The following NKAIN2 variants were observed in gnomAD, a reference collection of about 807,000 sequenced individuals.
The protein encoded by NKAIN2 is sodium/potassium-transporting ATPase subunit beta-1-interacting protein 2.
In NKAIN2, 14 loss-of-function variants were observed where a neutral mutation model predicts 32.6. The ratio of observed to expected loss-of-function variants is 0.43; its 90% CI spans 0.28 to 0.67. NKAIN2 has a LOEUF of 0.67. Ranked by LOEUF, NKAIN2 falls within the 30% of genes least tolerant of loss-of-function variation. The pLI is 0.17. For missense variants in NKAIN2, 198 were observed against 258.3 expected (o/e 0.77, Z 1.60); for synonymous variants, 80 against 87.2 (o/e 0.92, Z 0.46).
At chr6:124,055,941 T>G (rs947207647) in intron 1 of NKAIN2, among the ~76,000 whole-genome samples, 1 of 152,056 alleles carries the variant, frequency 6.6e-6, no homozygotes, top group Admixed American at 6.6e-5. Flanking sequence ...CATTTGGTAT[T>G]AATTTGTTTT....
intron 3 of NKAIN2, among the ~76,000 whole-genome samples, chr6:124,545,798 G>A (rs546283584): frequency 1.3e-5 from 2 of 152,004 alleles, no homozygotes; most frequent in South Asian, 2.1e-4. Context: ...GGTAAAATTG[G>A]CTTTCACTTA....
chr6:123,938,868 G>T (rs960501741), intron 1 of NKAIN2, among the ~76,000 whole-genome samples: 1 of 151,566 alleles, frequency 6.6e-6, no homozygotes, highest in Non-Finnish European at 1.5e-5. Flanking sequence ...CCATATGGTG[G>T]GTTAGTTCTT....
intron 3 of NKAIN2, among the ~76,000 whole-genome samples, chr6:124,492,560 A>G (rs1233888072): frequency 1.1e-4 from 17 of 152,062 alleles, no homozygotes; most frequent in African/African-American, 2.4e-5. Flanking sequence ...GACTAAAGTC[A>G]GATTTCTCAG....
intron 1 of NKAIN2, among the ~76,000 whole-genome samples, chr6:123,948,789 G>A (rs1489708591): frequency 2.0e-5 from 3 of 151,328 alleles, no homozygotes; most frequent in Non-Finnish European, 4.4e-5. Flanking sequence ...GACTATTTTT[G>A]CTTCTGTTGC....
intron 1 of NKAIN2, among the ~76,000 whole-genome samples, chr6:124,239,173 T>C (rs1792940786): frequency 6.6e-6 from 1 of 152,112 alleles, no homozygotes; most frequent in Non-Finnish European, 1.5e-5. Flanking sequence ...TACATAATGA[T>C]AAAGTATCAA....
chr6:124,246,654 C>A (rs1022939919), intron 1 of NKAIN2, among the ~76,000 whole-genome samples: 1 of 152,036 alleles, frequency 6.6e-6, no homozygotes, highest in African/African-American at 2.4e-5. Flanking sequence ...AGAAGGCAGA[C>A]TTTACAGCCT....
At chr6:123,979,867 T>G (rs2114661793) in intron 1 of NKAIN2, among the ~76,000 whole-genome samples, 1 of 148,942 alleles carries the variant, frequency 6.7e-6, no homozygotes, top group African/African-American at 2.6e-5. Flanking sequence ...AGCTCTTGTT[T>G]GTGTCTACCT....
At chr6:124,620,894 T>A (rs672848) in intron 3 of NKAIN2, among the ~76,000 whole-genome samples, 23,373 of 152,148 alleles carry the variant, frequency 0.15, 1,880 homozygotes, top group Middle Eastern at 0.22. Flanking sequence ...TTAGAAACTG[T>A]CTCCACAGAA....
At chr6:124,042,536 G>GA (rs967047630) in intron 1 of NKAIN2, among the ~76,000 whole-genome samples, 1 of 151,916 alleles carries the variant, frequency 6.6e-6, no homozygotes, top group Non-Finnish European at 1.5e-5. Flanking sequence ...ACTCGTGGGG[G>GA]AAAAAACCCA....
chr6:124,350,183 C>T (rs12195743), intron 2 of NKAIN2, among the ~76,000 whole-genome samples: 26,319 of 152,134 alleles, frequency 0.17, 2,454 homozygotes, highest in Admixed American at 0.27. Context: ...ACTCAAACTG[C>T]ATCATTGTCA....
intron 4 of NKAIN2, among the ~76,000 whole-genome samples, chr6:124,665,616 T>A (rs552884742): frequency 6.6e-6 from 1 of 152,318 alleles, no homozygotes; most frequent in Non-Finnish European, 1.5e-5. Flanking sequence ...GACTACATGG[T>A]ACACTTTTCA....
intron 1 of NKAIN2, among the ~76,000 whole-genome samples, chr6:124,031,649 G>T (rs1484507571): frequency 6.6e-6 from 1 of 152,056 alleles, no homozygotes; most frequent in Non-Finnish European, 1.5e-5. Flanking sequence ...CTTTATTCCT[G>T]CCTTCATTTT....
intron 3 of NKAIN2, among the ~76,000 whole-genome samples, chr6:124,514,522 A>G (rs762623062): frequency 3.8e-4 from 58 of 152,296 alleles, no homozygotes; most frequent in Non-Finnish European, 4.4e-4. Context: ...TCACATTTCA[A>G]TAAGTTCTTC....
At chr6:124,302,399 GACACAGACTATCCATT>G (rs1296543757) in intron 2 of NKAIN2, among the ~76,000 whole-genome samples, 1 of 152,158 alleles carries the variant, frequency 6.6e-6, no homozygotes, top group Non-Finnish European at 1.5e-5. Context: ...TTTCCTCCAT[GACACAGACTATCCATT>G]TTAAGTATTA....
At chr6:124,258,194 C>T (rs1279151117) in intron 1 of NKAIN2, among the ~76,000 whole-genome samples, 1 of 151,602 alleles carries the variant, frequency 6.6e-6, no homozygotes, top group Non-Finnish European at 1.5e-5. Context: ...TGGTCAGATT[C>T]ACACAGTTGC....
At chr6:123,871,159 T>G (rs1252136942) in intron 1 of NKAIN2, among the ~76,000 whole-genome samples, 1 of 152,188 alleles carries the variant, frequency 6.6e-6, no homozygotes, top group Non-Finnish European at 1.5e-5. Context: ...ATGTCATACT[T>G]TTTGTTAGAT....
chr6:124,686,799 A>T (rs1388165080), intron 4 of NKAIN2, among the ~76,000 whole-genome samples: 1 of 152,156 alleles, frequency 6.6e-6, no homozygotes, highest in Non-Finnish European at 1.5e-5. Flanking sequence ...GAAGCATACA[A>T]AGTATTGATC....
At position 124,100,518 on chromosome 6, in the gene NKAIN2, T is replaced by C. The variant is rs982009745; in HGVS notation, c.55-182487T>C. ...AAATGGCAAGATATTCCACAGCAAA[T>C]AGAATTGTTTGTGTGAATGTTAATG... On this transcript the variant is annotated intron_variant, in intron 1 of 6. Coordinates refer to ENST00000368417, the MANE Select transcript of NKAIN2 (RefSeq NM_001040214.3). Among the ~76,000 whole-genome samples the C allele has an allele frequency of 5.3e-5, 8 of 152,270 alleles. No homozygotes were observed. In the East Asian group the frequency reaches 7.7e-4, roughly 15 times the overall value.
At chr6:124,238,203 C>A (rs752527086) in intron 1 of NKAIN2, among the ~76,000 whole-genome samples, 3 of 151,626 alleles carry the variant, frequency 2.0e-5, no homozygotes, top group Admixed American at 6.6e-5. Flanking sequence ...GCAGGAATAG[C>A]GAAAAGGGAA....
Sources: gnomAD v4.1 joint callset for allele counts (sites outside exome capture counted in the v4.1 genomes callset) on GRCh38, gnomAD v4.1.1 for gene constraint, MANE v1.5 for transcripts, NCBI Gene and HGNC (gene_info 2026-07-23, HGNC 2026-07-21) for gene names.